PDE11A: variants seen among roughly 807,000 people sequenced by gnomAD.
PDE11A encodes phosphodiesterase 11A, also known as dual 3',5'-cyclic-AMP and -GMP phosphodiesterase 11A.
In PDE11A, 100 loss-of-function variants were observed where a neutral mutation model predicts 100.5. That is an observed-to-expected ratio of 1.00 (90% CI 0.85 to 1.18). The LOEUF (loss-of-function observed/expected upper bound fraction) is 1.18, where lower values mean the gene tolerates loss of function less well. Among genes scored for constraint, PDE11A ranks in the 50% most tolerant of loss-of-function variants. The probability of loss-of-function intolerance (pLI) is 0.00; values close to 1 mark genes in which losing one functional copy is unlikely to be tolerated. For missense variants in PDE11A, 1,141 were observed against 1,152.6 expected (o/e 0.99, Z 0.15); for synonymous variants, 381 against 420.8 (o/e 0.91, Z 1.16).
intron 2 of PDE11A, among the ~76,000 whole-genome samples, chr2:178,002,798 A>C (rs1334497365): frequency 6.6e-6 from 1 of 152,226 alleles, no homozygotes; most frequent in African/African-American, 2.4e-5. Context: ...AAGGGAATGC[A>C]ATTTTAAAAA....
At chr2:177,922,923 G>T in intron 2 of PDE11A, 1 of 587,110 alleles carries the variant, frequency 1.7e-6, no homozygotes, top group Non-Finnish European at 2.1e-6. Context: ...CCTCATTCTA[G>T]AACCTTCTTG....
chr2:177,732,436 G>A (rs1456322979), intron 10 of PDE11A, among the ~76,000 whole-genome samples: 3 of 152,182 alleles, frequency 2.0e-5, no homozygotes, highest in African/African-American at 7.2e-5. Context: ...TCTGGTCTCA[G>A]GAGAGAAGTT....
At chr2:177,771,119 G>A (rs778115080) in intron 9 of PDE11A, among the ~76,000 whole-genome samples, 4 of 151,982 alleles carry the variant, frequency 2.6e-5, no homozygotes, top group South Asian at 2.1e-4. Flanking sequence ...ATGAGCCTTC[G>A]CACCCAGCCT....
At chr2:177,887,818 GAAGTT>G (rs2084463436) in intron 4 of PDE11A, among the ~76,000 whole-genome samples, 1 of 152,170 alleles carries the variant, frequency 6.6e-6, no homozygotes. Context: ...GATGTGAAAA[GAAGTT>G]TCTCTTTCTT....
chr2:178,032,732 C>T lies in PDE11A; in HGVS notation c.913-18272G>A, dbSNP rs538477298. On this transcript the variant is annotated intron_variant, in intron 1 of 19. Transcript: ENST00000286063. ...GCAGCAGTCTTTGCTGTTCTGCAGC[C>T]TCCACTGATGATACCCAGGCGAACA... Among the ~76,000 whole-genome samples, 20 of 152,278 alleles carry T rather than the reference C, an allele frequency of 1.3e-4. No individual in the cohort carries two copies. The East Asian group carries it at 3.9e-3, about 29-fold the overall frequency.
chr2:177,997,113 G>A (rs2086085540), intron 2 of PDE11A, among the ~76,000 whole-genome samples: 1 of 152,096 alleles, frequency 6.6e-6, no homozygotes, highest in East Asian at 1.9e-4. Flanking sequence ...CTGTTTAAAG[G>A]GACACCCCCG....
At chr2:177,664,844 A>G (rs2080543738) in intron 18 of PDE11A, among the ~76,000 whole-genome samples, 2 of 152,172 alleles carry the variant, frequency 1.3e-5, no homozygotes, top group African/African-American at 4.8e-5. Flanking sequence ...TTTCCTTTAC[A>G]TAAAATGTGG....
chr2:177,825,824 T>C (rs999235931), intron 6 of PDE11A, among the ~76,000 whole-genome samples: 3 of 152,198 alleles, frequency 2.0e-5, no homozygotes, highest in African/African-American at 7.2e-5. Context: ...ATTTATCTCC[T>C]GCACACCAAA....
At chr2:177,911,104 C>T (rs1454564082) in intron 2 of PDE11A, among the ~76,000 whole-genome samples, 1 of 152,192 alleles carries the variant, frequency 6.6e-6, no homozygotes, top group Non-Finnish European at 1.5e-5. Context: ...CACTTCTGCC[C>T]TCAGGCAGTA....
At chr2:177,711,629 C>T (rs556686812) in intron 13 of PDE11A, 140 bp downstream of exon 13, 16 of 679,608 alleles carry the variant, frequency 2.4e-5, no homozygotes, top group Admixed American at 6.6e-5. Context: ...GATGGATGGG[C>T]CCCATGACAT....
At chr2:177,745,987 C>T (rs1474749687) in intron 10 of PDE11A, among the ~76,000 whole-genome samples, 2 of 152,192 alleles carry the variant, frequency 1.3e-5, no homozygotes, top group African/African-American at 2.4e-5. Flanking sequence ...CAATGCCTTT[C>T]AATAGTCCTT....
chr2:178,004,909 T>C (rs1224629448), intron 2 of PDE11A, among the ~76,000 whole-genome samples: 2 of 152,140 alleles, frequency 1.3e-5, no homozygotes, highest in Non-Finnish European at 2.9e-5. Flanking sequence ...GAAATTGTGA[T>C]TACAACTTAA....
At chr2:178,056,908 G>A (rs2086905656) in intron 1 of PDE11A, among the ~76,000 whole-genome samples, 2 of 151,836 alleles carry the variant, frequency 1.3e-5, no homozygotes, top group Non-Finnish European at 2.9e-5. Flanking sequence ...GATAGGAGGA[G>A]GGAGAAGGGG....
chr2:177,637,894 TATATATAC>T (rs1213454566), intron 19 of PDE11A, among the ~76,000 whole-genome samples: 12 of 80,962 alleles, frequency 1.5e-4, no homozygotes, highest in African/African-American at 1.9e-4. Context: ...TATACATATA[TATATATAC>T]ATATATACAT....
At chr2:177,695,245 A>C (rs1307421794) in intron 15 of PDE11A, among the ~76,000 whole-genome samples, 3 of 152,120 alleles carry the variant, frequency 2.0e-5, no homozygotes, top group Non-Finnish European at 2.9e-5. Context: ...ATTTTGTTAC[A>C]TGCACAGAAT....
chr2:177,774,991 A>G (rs13395965), intron 9 of PDE11A, among the ~76,000 whole-genome samples: 49,947 of 151,962 alleles, frequency 0.33, 8,561 homozygotes, highest in African/African-American at 0.38. Context: ...AAAGAAGGAG[A>G]CAGGAGAATG....
At chr2:178,094,210 TACAC>T (rs1160808102) in intron 2 of PDE11A, among the ~76,000 whole-genome samples, 1 of 151,368 alleles carries the variant, frequency 6.6e-6, no homozygotes, top group African/African-American at 2.4e-5. Flanking sequence ...ACCACATACA[TACAC>T]ACAGCAGAAA....
At chr2:177,817,334 G>C (rs2083056581) in intron 8 of PDE11A, among the ~76,000 whole-genome samples, 2 of 152,310 alleles carry the variant, frequency 1.3e-5, no homozygotes, top group South Asian at 4.1e-4. Flanking sequence ...TAAATGTTAA[G>C]GGGAAGGAGG....
chr2:177,944,421 C>G (rs1426995481), intron 2 of PDE11A, among the ~76,000 whole-genome samples: 1 of 152,172 alleles, frequency 6.6e-6, no homozygotes, highest in Non-Finnish European at 1.5e-5. Context: ...ATCTTTGCAA[C>G]AGATAGGGTG....
Sources: allele counts gnomAD v4.1 joint callset (sites outside exome capture counted in the v4.1 genomes callset), GRCh38; gene constraint gnomAD v4.1.1; transcripts MANE v1.5; gene names NCBI Gene and HGNC (gene_info 2026-07-23, HGNC 2026-07-21).